Variants in ST3GAL3 observed in about 807,000 individuals in gnomAD.
ST3GAL3 encodes the protein ST3 beta-galactoside alpha-2,3-sialyltransferase 3.
ST3GAL3 carries 21 observed loss-of-function variants against 50.1 expected under a neutral mutation model. The observed-to-expected ratio is 0.42, with a 90% confidence interval of 0.30 to 0.60. The LOEUF (loss-of-function observed/expected upper bound fraction) is 0.60, where lower values mean the gene tolerates loss of function less well. Among genes scored for constraint, ST3GAL3 ranks in the 20% least tolerant of loss-of-function variants. ST3GAL3 has a pLI of 0.19. For synonymous variants in ST3GAL3, 183 were observed against 190.0 expected (o/e 0.96, Z 0.30); for missense variants, 353 against 489.4 (o/e 0.72, Z 2.63).
intron 9 of ST3GAL3, among the ~76,000 whole-genome samples, chr1:43,917,681 A>G (rs1340656910): frequency 8.9e-6 from 1 of 112,422 alleles, no homozygotes; most frequent in African/African-American, 3.5e-5. Context: ...ATATATATAT[A>G]TATTTTAAAC....
chr1:43,858,297 A>G (rs1446608159), intron 5 of ST3GAL3: 6 of 1,278,452 alleles, frequency 4.7e-6, no homozygotes, highest in Non-Finnish European at 6.1e-6. Context: ...TGCCTGAACT[A>G]TGCTGGGAAA....
At chr1:43,804,399 G>T (rs1312216898) in intron 3 of ST3GAL3, among the ~76,000 whole-genome samples, 1 of 152,074 alleles carries the variant, frequency 6.6e-6, no homozygotes, top group African/African-American at 2.4e-5. Flanking sequence ...TGCTAGTCAG[G>T]GAACTCTGTG....
chr1:43,905,162 CTCCT>C (rs2079065875), intron 9 of ST3GAL3, among the ~76,000 whole-genome samples: 1 of 107,634 alleles, frequency 9.3e-6, no homozygotes, highest in African/African-American at 3.6e-5. Flanking sequence ...CACCACTCTT[CTCCT>C]CCCCCTCCTC....
At chr1:43,838,400 C>A in intron 5 of ST3GAL3, 89 bp downstream of exon 5, 1 of 1,205,402 alleles carries the variant, frequency 8.3e-7, no homozygotes, top group Non-Finnish European at 1.2e-6. Context: ...CAGTCATGTT[C>A]TCCTATGCTC....
intron 9 of ST3GAL3, among the ~76,000 whole-genome samples, chr1:43,900,268 C>A (rs1205474590): frequency 2.0e-5 from 3 of 152,172 alleles, no homozygotes; most frequent in Non-Finnish European, 4.4e-5. Flanking sequence ...GAAGTCCTGG[C>A]CTGTTTCCAC....
At chr1:43,754,604 A>G (rs1369154220) in intron 2 of ST3GAL3, among the ~76,000 whole-genome samples, 1 of 152,258 alleles carries the variant, frequency 6.6e-6, no homozygotes, top group African/African-American at 2.4e-5. Context: ...CCCTAACTCC[A>G]GGTACAAGTG....
At chr1:43,906,490 C>T (rs2079739634) in intron 9 of ST3GAL3, among the ~76,000 whole-genome samples, 1 of 142,126 alleles carries the variant, frequency 7.0e-6, no homozygotes, top group Non-Finnish European at 1.6e-5. Flanking sequence ...CCTCCTGCTC[C>T]CCTTCCCGCC....
At chr1:43,820,490 A>G (rs2061958127) in intron 4 of ST3GAL3, among the ~76,000 whole-genome samples, 4 of 152,248 alleles carry the variant, frequency 2.6e-5, no homozygotes, top group Admixed American at 2.6e-4. Flanking sequence ...GCACAGCAAA[A>G]GAAACTATCA....
chr1:43,880,525 C>A (rs1330726435), intron 5 of ST3GAL3, among the ~76,000 whole-genome samples: 1 of 151,774 alleles, frequency 6.6e-6, no homozygotes, highest in East Asian at 1.9e-4. Flanking sequence ...TGTCACCTAC[C>A]CCCTCCCTCT....
At chr1:43,907,295 C>G (rs2079953408) in intron 9 of ST3GAL3, among the ~76,000 whole-genome samples, 1 of 152,240 alleles carries the variant, frequency 6.6e-6, no homozygotes, top group Non-Finnish European at 1.5e-5. Flanking sequence ...CAAGCACAGT[C>G]TCACTCACTC....
intron 6 of ST3GAL3, among the ~76,000 whole-genome samples, chr1:43,897,104 G>A: frequency 7.0e-6 from 1 of 143,796 alleles, no homozygotes; most frequent in South Asian, 2.2e-4. Context: ...TTTTTTTTTG[G>A]TGGACATTCA....
intron 5 of ST3GAL3, among the ~76,000 whole-genome samples, chr1:43,893,036 T>A (rs1359708980): frequency 3.3e-5 from 5 of 152,180 alleles, no homozygotes; most frequent in Admixed American, 1.3e-4. Context: ...CTCCCAAGTG[T>A]TGACATCTTC....
chr1:43,711,121 CATAG>C (rs1188123002), intron 1 of ST3GAL3, among the ~76,000 whole-genome samples: 1 of 152,202 alleles, frequency 6.6e-6, no homozygotes, highest in African/African-American at 2.4e-5. Flanking sequence ...TCTGTATTGA[CATAG>C]ATAGCTTGGA....
At chr1:43,872,722 A>G (rs543335220) in intron 5 of ST3GAL3, among the ~76,000 whole-genome samples, 1 of 152,300 alleles carries the variant, frequency 6.6e-6, no homozygotes, top group East Asian at 1.9e-4. Context: ...CTCATATTCT[A>G]GTGGGAAGCA....
chr1:43,846,437 A>G (rs3011221), intron 5 of ST3GAL3, among the ~76,000 whole-genome samples: 130,206 of 152,172 alleles, frequency 0.86, 55,933 homozygotes, highest in East Asian at 0.91. Flanking sequence ...AAAATAAGCT[A>G]TATCATGGTG....
chr1:43,802,532 C>A lies in ST3GAL3; in HGVS notation c.166+10383C>A, dbSNP rs993629251. On this transcript the variant is annotated intron_variant, in intron 3 of 11. Transcript: ENST00000347631. ...AGATCATAAAAGGCTACATTCAATG[C>A]ACATAAGCAGCGATACTACCCAATA... Among the ~76,000 whole-genome samples, 142 of 152,308 alleles carry A rather than the reference C, an allele frequency of 9.3e-4. 2 individuals carry two copies. The highest frequency in any genetic ancestry group is 2.5e-4 in the Non-Finnish European group (17 of 68,028).
intron 5 of ST3GAL3, among the ~76,000 whole-genome samples, chr1:43,865,871 T>TC (rs1458080412): frequency 2.6e-5 from 4 of 152,228 alleles, no homozygotes; most frequent in Non-Finnish European, 5.9e-5. Context: ...AAGTAGTCTT[T>TC]CTTTTTTGTT....
At chr1:43,707,919 G>C (rs1297252645) in intron 1 of ST3GAL3, 1 of 152,358 alleles carries the variant, frequency 6.6e-6, no homozygotes, top group African/African-American at 2.4e-5. Flanking sequence ...CCGAGCCTGG[G>C]GGAAAGGCCG....
chr1:43,774,685 C>G (rs1696523127), intron 2 of ST3GAL3, among the ~76,000 whole-genome samples: 1 of 152,190 alleles, frequency 6.6e-6, no homozygotes, highest in African/African-American at 2.4e-5. Flanking sequence ...GTCATCCTTT[C>G]ATTTGGAAAA....
Sources: gnomAD v4.1 joint callset for allele counts (sites outside exome capture counted in the v4.1 genomes callset) on GRCh38, gnomAD v4.1.1 for gene constraint, MANE v1.5 for transcripts, NCBI Gene and HGNC (gene_info 2026-07-23, HGNC 2026-07-21) for gene names.